GPR158: variants seen among roughly 807,000 people sequenced by gnomAD.
The protein encoded by GPR158 is G protein-coupled receptor 158.
A neutral mutation model predicts 78.2 loss-of-function variants in GPR158; 30 were observed. That is an observed-to-expected ratio of 0.38 (90% CI 0.29 to 0.52). The LOEUF is 0.52. Among genes scored for constraint, GPR158 ranks in the 20% least tolerant of loss-of-function variants. The pLI, the probability that GPR158 is intolerant of heterozygous loss-of-function variation, is 0.83. For missense variants in GPR158, 1,463 were observed against 1,523.5 expected, an observed-to-expected ratio of 0.96 and a Z score of 0.66; for synonymous variants, 581 against 591.1, an observed-to-expected ratio of 0.98 and a Z score of 0.25.
intron 7 of GPR158, among the ~76,000 whole-genome samples, chr10:25,586,429 A>T (rs1468571288): frequency 8.3e-6 from 1 of 119,958 alleles, no homozygotes; most frequent in Non-Finnish European, 1.6e-5. Context: ...TTTGAGGCAG[A>T]GTCTCACTCT....
At position 25,176,211 on chromosome 10, in the gene GPR158, A is replaced by G. The variant is rs1451377471; in HGVS notation, c.791A>G (p.Lys264Arg). 1.3e-6 allele frequency: 2 copies of G among 1,592,942 alleles called. No homozygotes were observed. Among genetic ancestry groups the G allele is most frequent in the Non-Finnish European group, 8.5e-7 (1 of 1,171,022 alleles). ...CTCGGCGGGGACAAGAGCCACTTCA[A>G]GTGGTCTCCGCCTTATCTGGAGTGC... ...DGLGGDKSHF[K>R]WSPPYLECEN... is the part of the protein sequence containing the mutation. Residue 264 changes from lysine (K) to arginine (R), a missense_variant, in exon 1 of 11, where the codon AAG becomes AGG. Transcript: ENST00000376351. The surrounding 1 kb of genome is among the most constrained non-coding windows in gnomAD (Gnocchi z 6.3).
intron 6 of GPR158, among the ~76,000 whole-genome samples, chr10:25,568,633 C>T (rs1564492537): frequency 6.6e-6 from 1 of 152,074 alleles, no homozygotes; most frequent in Non-Finnish European, 1.5e-5. Context: ...TAGCTTGAAC[C>T]AGAAATGTAC....
At chr10:25,248,579 C>T (rs1853739332) in intron 2 of GPR158, among the ~76,000 whole-genome samples, 1 of 150,904 alleles carries the variant, frequency 6.6e-6, no homozygotes, top group Non-Finnish European at 1.5e-5. Flanking sequence ...GGAATCCTTT[C>T]CCCATTTCTT....
intron 7 of GPR158, among the ~76,000 whole-genome samples, chr10:25,586,339 G>T (rs1030156674): frequency 6.6e-6 from 1 of 151,424 alleles, no homozygotes; most frequent in Non-Finnish European, 1.5e-5. Context: ...AGGCCATAAG[G>T]TCTTCCTTTG....
intron 2 of GPR158, among the ~76,000 whole-genome samples, chr10:25,387,868 C>T (rs1834244023): frequency 6.6e-6 from 1 of 152,110 alleles, no homozygotes; most frequent in Non-Finnish European, 1.5e-5. Context: ...TTCTTTTATA[C>T]ATGTTTAGTA....
At chr10:25,482,593 C>T (rs1835676322) in intron 5 of GPR158, among the ~76,000 whole-genome samples, 1 of 152,140 alleles carries the variant, frequency 6.6e-6, no homozygotes, top group African/African-American at 2.4e-5. Flanking sequence ...CCTTTTGGTA[C>T]AGCTATAACT....
intron 5 of GPR158, among the ~76,000 whole-genome samples, chr10:25,495,288 T>C (rs991246982): frequency 7.5e-6 from 1 of 133,450 alleles, no homozygotes; most frequent in African/African-American, 2.7e-5. Flanking sequence ...GCTATCATTC[T>C]TTTCTGCTTT....
chr10:25,299,588 G>A (rs1033475270), intron 2 of GPR158, among the ~76,000 whole-genome samples: 1 of 151,994 alleles, frequency 6.6e-6, no homozygotes, highest in Non-Finnish European at 1.5e-5. Context: ...TTAAAGGCTG[G>A]ATAGTAATCC....
At chr10:25,515,469 C>T (rs1187088013) in intron 5 of GPR158, among the ~76,000 whole-genome samples, 1 of 147,318 alleles carries the variant, frequency 6.8e-6, no homozygotes, top group Middle Eastern at 3.4e-3. Context: ...GCTGCACCCA[C>T]TAACTCGTCA....
At chr10:25,193,821 T>C (rs1461086744) in intron 1 of GPR158, among the ~76,000 whole-genome samples, 1 of 151,362 alleles carries the variant, frequency 6.6e-6, no homozygotes, top group Non-Finnish European at 1.5e-5. Flanking sequence ...AAGAATAAGC[T>C]ATTCCTAATT....
At chr10:25,385,708 T>G (rs2130512925) in intron 2 of GPR158, among the ~76,000 whole-genome samples, 1 of 152,284 alleles carries the variant, frequency 6.6e-6, no homozygotes, top group South Asian at 2.1e-4. Context: ...TTTGCATTTC[T>G]CTAAGTATTT....
At chr10:25,480,312 C>A (rs1294944401) in intron 5 of GPR158, among the ~76,000 whole-genome samples, 5 of 152,056 alleles carry the variant, frequency 3.3e-5, no homozygotes, top group Admixed American at 1.3e-4. Flanking sequence ...TTATTATAAC[C>A]ATTCTTTTTC....
intron 5 of GPR158, among the ~76,000 whole-genome samples, chr10:25,476,489 C>T (rs1835588393): frequency 2.0e-5 from 3 of 146,950 alleles, no homozygotes; most frequent in Admixed American, 6.9e-5. Flanking sequence ...TACTTACGTT[C>T]AGGTTGTTCC....
At chr10:25,519,598 G>A (rs56327415) in intron 5 of GPR158, among the ~76,000 whole-genome samples, 1 of 143,790 alleles carries the variant, frequency 7.0e-6, no homozygotes. Context: ...GCATTTGCTT[G>A]TCTGTAAAGT....
chr10:25,436,451 A>T (rs184419087), intron 4 of GPR158, among the ~76,000 whole-genome samples: 1 of 152,352 alleles, frequency 6.6e-6, no homozygotes, highest in East Asian at 1.9e-4. Context: ...CCATCTAGGT[A>T]GGAAGTATAG....
chr10:25,541,563 G>A (rs1222447470), intron 5 of GPR158, among the ~76,000 whole-genome samples: 1 of 149,752 alleles, frequency 6.7e-6, no homozygotes, highest in Non-Finnish European at 1.5e-5. Context: ...ACCTGTAACT[G>A]ATTTTTATGT....
At chr10:25,360,675 G>T (rs577782924) in intron 2 of GPR158, among the ~76,000 whole-genome samples, 1 of 152,074 alleles carries the variant, frequency 6.6e-6, no homozygotes, top group African/African-American at 2.4e-5. Flanking sequence ...TTGTAGTATT[G>T]TTTGAAGTCA....
intron 6 of GPR158, among the ~76,000 whole-genome samples, chr10:25,554,310 A>G (rs1836761113): frequency 6.6e-6 from 1 of 152,218 alleles, no homozygotes; most frequent in Non-Finnish European, 1.5e-5. Flanking sequence ...ATACTGATTT[A>G]TGAAATGACT....
chr10:25,226,138 A>G (rs2807231), intron 2 of GPR158, among the ~76,000 whole-genome samples: 21,747 of 152,052 alleles, frequency 0.14, 1,965 homozygotes, highest in East Asian at 0.3. Flanking sequence ...ACTATTGTTC[A>G]CCTATCTCTA....
Sources: allele counts gnomAD v4.1 joint callset (sites outside exome capture counted in the v4.1 genomes callset), GRCh38; gene constraint gnomAD v4.1.1; non-coding constraint Gnocchi (gnomAD v3.1); transcripts MANE v1.5; gene names NCBI Gene and HGNC (gene_info 2026-07-23, HGNC 2026-07-21).